CSTPP1: variants seen among roughly 807,000 people sequenced by gnomAD.
CSTPP1 encodes centriolar satellite-associated tubulin polyglutamylase complex regulator 1.
chr11:47,105,607 C>G, the CSTPP1 span, among the ~76,000 whole-genome samples: 1 of 152,150 alleles, frequency 6.6e-6, no homozygotes, highest in Non-Finnish European at 1.5e-5. Flanking sequence ...GTTATATAAT[C>G]CTCACAATAA....
chr11:47,086,337 C>G, the CSTPP1 span, among the ~76,000 whole-genome samples: 1 of 151,206 alleles, frequency 6.6e-6, no homozygotes, highest in African/African-American at 2.4e-5. Flanking sequence ...ACCCGGGAGG[C>G]AGCGGTTACA....
chr11:46,988,431 A>G, the CSTPP1 span, among the ~76,000 whole-genome samples: 3 of 152,192 alleles, frequency 2.0e-5, no homozygotes, highest in African/African-American at 7.2e-5. Flanking sequence ...GGAACTGAAG[A>G]TCATTATGTT....
chr11:46,982,510 A>T, the CSTPP1 span, among the ~76,000 whole-genome samples: 1 of 152,126 alleles, frequency 6.6e-6, no homozygotes, highest in Non-Finnish European at 1.5e-5. Context: ...CCCCTCAAAC[A>T]AAAATTTCCA....
chr11:47,155,635 A>G, the CSTPP1 span: 5 of 245,108 alleles, frequency 2.0e-5, no homozygotes, highest in South Asian at 2.1e-4. Context: ...GCCTTGAGAG[A>G]GAGTCCTTTC....
At chr11:47,044,717 C>G in the CSTPP1 span, among the ~76,000 whole-genome samples, 1 of 151,960 alleles carries the variant, frequency 6.6e-6, no homozygotes. Context: ...GAGGACCAGC[C>G]TGAGCAACAT....
chr11:47,137,866 T>A, the CSTPP1 span: 2 of 783,126 alleles, frequency 2.6e-6, no homozygotes, highest in Non-Finnish European at 4.1e-6. Context: ...CTATTTGGGA[T>A]GTGCCCCAAA....
chr11:47,046,660 C>CTTTTTTTTTTTTTTTTTTTTTTTTTTT, the CSTPP1 span, among the ~76,000 whole-genome samples: 7 of 79,734 alleles, frequency 8.8e-5, no homozygotes, highest in African/African-American at 2.1e-4. Context: ...ATCTTCTTTT[C>CTTTTTTTTTTTTTTTTTTTTTTTTTTT]TTTTTTTTTT....
At chr11:47,130,556 C>G in the CSTPP1 span, among the ~76,000 whole-genome samples, 1 of 152,174 alleles carries the variant, frequency 6.6e-6, no homozygotes, top group Non-Finnish European at 1.5e-5. Flanking sequence ...AGGAACATGG[C>G]CCTAGTAGGG....
At chr11:47,010,906 A>G in the CSTPP1 span, among the ~76,000 whole-genome samples, 1 of 152,190 alleles carries the variant, frequency 6.6e-6, no homozygotes, top group Non-Finnish European at 1.5e-5. Context: ...GAAATTGCCA[A>G]TAGAGAAGAT....
At chr11:47,141,514 G>A in the CSTPP1 span, among the ~76,000 whole-genome samples, 1 of 152,192 alleles carries the variant, frequency 6.6e-6, no homozygotes, top group East Asian at 1.9e-4. Context: ...GGCTGAGGTG[G>A]GAGAATTGCT....
At chr11:47,033,777 G>A in the CSTPP1 span, among the ~76,000 whole-genome samples, 195 of 152,198 alleles carry the variant, frequency 1.3e-3, 1 homozygote, top group African/African-American at 4.6e-3. Context: ...CTTCCATAGC[G>A]TTGACAGTCC....
the CSTPP1 span, among the ~76,000 whole-genome samples, chr11:47,066,030 GATCAT>G: frequency 2.8e-5 from 4 of 143,262 alleles, no homozygotes; most frequent in Non-Finnish European, 1.5e-5. Context: ...CTGCATATAA[GATCAT>G]ATCATCTGTG....
At chr11:47,052,365 C>A in the CSTPP1 span, 1 of 1,606,808 alleles carries the variant, frequency 6.2e-7, no homozygotes, top group South Asian at 1.1e-5. Context: ...CTAACAATGA[C>A]TTCTTGACTT....
the CSTPP1 span, among the ~76,000 whole-genome samples, chr11:47,124,114 C>CTTTTTTTTTTTTT: frequency 1.1e-4 from 7 of 63,232 alleles, 2 homozygotes; most frequent in East Asian, 6.6e-4. Context: ...AATGGTCTTA[C>CTTTTTTTTTTTTT]TTTTTTTTTT....
At chr11:47,083,242 C>T in the CSTPP1 span, among the ~76,000 whole-genome samples, 1 of 152,186 alleles carries the variant, frequency 6.6e-6, no homozygotes, top group Non-Finnish European at 1.5e-5. Flanking sequence ...GCATCACTTA[C>T]AGTTTTCAAG....
At chr11:47,157,832 G>C in the CSTPP1 span, 1 of 1,614,076 alleles carries the variant, frequency 6.2e-7, no homozygotes, top group South Asian at 1.1e-5. Flanking sequence ...CCCAGCACTT[G>C]TCAAAGAGGC....
chr11:47,102,782 A>T, the CSTPP1 span, among the ~76,000 whole-genome samples: 1 of 152,380 alleles, frequency 6.6e-6, no homozygotes, highest in African/African-American at 2.4e-5. Flanking sequence ...CTGAGTTCAT[A>T]GAAAACTTGA....
At chr11:47,076,462 C>A in the CSTPP1 span, among the ~76,000 whole-genome samples, 1 of 152,030 alleles carries the variant, frequency 6.6e-6, no homozygotes, top group Admixed American at 6.6e-5. Flanking sequence ...TACCTCGCAC[C>A]AAATAGGAAT....
At chr11:47,029,958 A>G in the CSTPP1 span, among the ~76,000 whole-genome samples, 19 of 150,782 alleles carry the variant, frequency 1.3e-4, no homozygotes, top group Non-Finnish European at 2.1e-4. Context: ...AAAAAGAAAG[A>G]AAGGAAGAAA....
Sources: allele counts gnomAD v4.1 joint callset (sites outside exome capture counted in the v4.1 genomes callset), GRCh38; gene constraint gnomAD v4.1.1; transcripts MANE v1.5; gene names NCBI Gene and HGNC (gene_info 2026-07-23, HGNC 2026-07-21).